Variants in FBXO31 observed in about 807,000 individuals in gnomAD.
FBXO31 encodes F-box protein 31, also known as F-box only protein 31.
FBXO31 carries 24 observed loss-of-function variants against 54.4 expected under a neutral mutation model. That is an observed-to-expected ratio of 0.44 (90% CI 0.32 to 0.62). The LOEUF is 0.62. FBXO31 is among the 20% of genes least tolerant of loss of function. FBXO31 has a pLI of 0.05. For synonymous variants in FBXO31, 388 were observed against 335.6 expected, an observed-to-expected ratio of 1.16 and a Z score of -1.71; for missense variants, 665 against 787.1, an observed-to-expected ratio of 0.84 and a Z score of 1.86.
At chr16:87,364,564 G>A (rs1204892541) in intron 1 of FBXO31, among the ~76,000 whole-genome samples, 1 of 152,112 alleles carries the variant, frequency 6.6e-6, no homozygotes, top group East Asian at 1.9e-4. Context: ...TTGAACCAGA[G>A]GCCTGGGCGG....
At chr16:87,373,500 A>AAT (rs1459078695) in intron 1 of FBXO31, among the ~76,000 whole-genome samples, 12 of 151,676 alleles carry the variant, frequency 7.9e-5, no homozygotes, top group Non-Finnish European at 1.3e-4. Flanking sequence ...TACATACCTG[A>AAT]ATATATATAT....
chr16:87,328,872 C>G lies in FBXO31; in HGVS notation c.*2416G>C, dbSNP rs1904740691. 1 of 152,290 alleles carries G rather than the reference C, an allele frequency of 6.6e-6. No individual in the cohort carries two copies. The highest frequency in any genetic ancestry group is 1.5e-5 in the Non-Finnish European group (1 of 68,096). 9.4% of individuals were successfully genotyped at this position (152,290 alleles called of 1,614,324 possible). A position where few individuals can be genotyped will look rare whatever the true frequency, so the allele number is the denominator to read the frequency against. On this transcript the variant is annotated 3_prime_UTR_variant, in exon 9 of 9. Transcript: ENST00000311635. ...CTTGGCTGTCCTGAACTGGGTTACT[C>G]AGCCTCCTCCTTGGAAACGGTTTTA... is the stretch of plus-strand genomic sequence containing the variant.
At chr16:87,374,034 C>T (rs1906716408) in intron 1 of FBXO31, among the ~76,000 whole-genome samples, 1 of 151,994 alleles carries the variant, frequency 6.6e-6, no homozygotes, top group Non-Finnish European at 1.5e-5. Flanking sequence ...GAGGCCAGGA[C>T]TTCCAGACCA....
intron 1 of FBXO31, among the ~76,000 whole-genome samples, chr16:87,372,535 TG>T (rs1331812816): frequency 6.6e-6 from 1 of 152,116 alleles, no homozygotes; most frequent in Non-Finnish European, 1.5e-5. Context: ...GCTCAACAAC[TG>T]TCTGCTAACA....
In FBXO31 at chr16:87,329,382, G is replaced by GACAC. The variant is rs1904762263; in HGVS notation, c.*1905_*1906insGTGT. On this transcript the variant is annotated 3_prime_UTR_variant, in exon 9 of 9. Coordinates refer to ENST00000311635, the MANE Select transcript of FBXO31 (RefSeq NM_024735.5). ...ATCAGAAGCACGTGCGTCCCACAGT[G>GACAC]TGCTCTTCAAGCCCCAAAGGGCACG... The GACAC allele has an allele frequency of 6.6e-6, 1 of 152,282 alleles. No individual in the cohort carries two copies. Among genetic ancestry groups the GACAC allele is most frequent in the Non-Finnish European group, 1.5e-5 (1 of 68,058 alleles). The allele number at this position is 152,282 out of a possible 1,614,324, so 9.4% of individuals were successfully genotyped here.
At position 87,335,171 on chromosome 16, in the gene FBXO31, G is replaced by A. The variant is rs1339649709; in HGVS notation, c.996+133C>T. 4.8e-5 allele frequency: 61 copies of A among 1,282,584 alleles called. No homozygotes were observed. Among genetic ancestry groups the A allele is most frequent in the Middle Eastern group, 2.7e-4 (1 of 3,722 alleles). 79.5% of individuals were successfully genotyped at this position (1,282,584 alleles called of 1,614,324 possible). A position where few individuals can be genotyped will look rare whatever the true frequency, so the allele number is the denominator to read the frequency against. ...CGAGAATCTGCTTTCCCAAGCTCCCGGGGCTGCAGGTGCAAGCCCACTCTG... is the reference window on the plus strand; with the variant it reads ...CGAGAATCTGCTTTCCCAAGCTCCCAGGGCTGCAGGTGCAAGCCCACTCTG... On this transcript the variant is annotated intron_variant, in intron 7 of 8. Coordinates refer to ENST00000311635, the MANE Select transcript of FBXO31 (RefSeq NM_024735.5). This position sits in a 1 kb window ranked among gnomAD's most constrained non-coding sequence, Gnocchi z 5.7.
intron 7 of FBXO31, among the ~76,000 whole-genome samples, chr16:87,334,560 A>AG (rs1904982271): frequency 6.6e-6 from 1 of 152,224 alleles, no homozygotes; most frequent in South Asian, 2.1e-4. Flanking sequence ...CAGCAGCCCA[A>AG]GGGGGCAGCC....
chr16:87,345,627 G>C lies in FBXO31; in HGVS notation c.489+1547C>G, dbSNP rs1326955722. Among the ~76,000 whole-genome samples, 1 of 152,182 alleles carries C rather than the reference G, an allele frequency of 6.6e-6. No individual in the cohort carries two copies. Among genetic ancestry groups the C allele is most frequent in the Non-Finnish European group, 1.5e-5 (1 of 68,042 alleles). ...CAAACCTGCCCTCCTGCTGAGACCAGCCACGAAGACTGAACACTCTCTCCT... is the reference window on the plus strand; with the variant it reads ...CAAACCTGCCCTCCTGCTGAGACCACCCACGAAGACTGAACACTCTCTCCT... On this transcript the variant is annotated intron_variant, in intron 3 of 8. Transcript: ENST00000311635. The surrounding 1 kb of genome is among the most constrained non-coding windows in gnomAD (Gnocchi z 4.9).
At chr16:87,371,490 T>G (rs1001633942) in intron 1 of FBXO31, among the ~76,000 whole-genome samples, 1 of 152,266 alleles carries the variant, frequency 6.6e-6, no homozygotes, top group African/African-American at 2.4e-5. Context: ...TCCCGAGATT[T>G]CAAATGCGTC....
At chr16:87,379,769 G>C (rs1256599651) in intron 1 of FBXO31, among the ~76,000 whole-genome samples, 1 of 151,804 alleles carries the variant, frequency 6.6e-6, no homozygotes, top group Non-Finnish European at 1.5e-5. Flanking sequence ...TGAATTTTTA[G>C]TAGAGACGGG....
chr16:87,333,843 A>G (rs776667316), intron 8 of FBXO31, 43 bp downstream of exon 8: 1 of 1,548,384 alleles, frequency 6.5e-7, no homozygotes. Context: ...GCTGAAGCCC[A>G]TGCTGTCCCA....
intron 4 of FBXO31, 98 bp downstream of exon 4, chr16:87,343,500 G>A: frequency 7.0e-7 from 1 of 1,429,700 alleles, no homozygotes; most frequent in Non-Finnish European, 9.4e-7. Context: ...ATCTGCTACA[G>A]CCCAGGTCTG....
At chr16:87,359,074 C>T (rs962807310) in intron 2 of FBXO31, among the ~76,000 whole-genome samples, 1 of 152,216 alleles carries the variant, frequency 6.6e-6, no homozygotes, top group Non-Finnish European at 1.5e-5. Context: ...AGCAAATTCA[C>T]AGAAACACAG....
upstream of FBXO31, among the ~76,000 whole-genome samples, chr16:87,391,295 A>G (rs1325401805): frequency 6.6e-6 from 1 of 152,188 alleles, no homozygotes. Flanking sequence ...CAACAGAGCA[A>G]GACCCTGTCT....
intron 1 of FBXO31, among the ~76,000 whole-genome samples, chr16:87,362,170 C>G (rs1906162203): frequency 2.0e-5 from 3 of 152,170 alleles, no homozygotes. Flanking sequence ...ACAACGTGAG[C>G]CACAAATAGC....
chr16:87,343,886 C>G, intron 3 of FBXO31, 121 bp from the exon 4 acceptor site: 3 of 1,041,550 alleles, frequency 2.9e-6, no homozygotes, highest in Admixed American at 2.3e-5. Flanking sequence ...CACATGGGAC[C>G]TGCACGCCCA....
chr16:87,366,864 A>G (rs1205048702), intron 1 of FBXO31, among the ~76,000 whole-genome samples: 1 of 152,198 alleles, frequency 6.6e-6, no homozygotes, highest in East Asian at 1.9e-4. Flanking sequence ...GACCTCCAAA[A>G]TAGCAATGCG....
chr16:87,350,348 T>G (rs921616375), intron 2 of FBXO31, among the ~76,000 whole-genome samples: 3 of 152,182 alleles, frequency 2.0e-5, no homozygotes, highest in Non-Finnish European at 2.9e-5. Context: ...GACCATGGTT[T>G]AGGAAGTTCC....
At position 87,364,025 on chromosome 16, in the gene FBXO31, C is replaced by T. The variant is rs190549228; in HGVS notation, c.341-3659G>A. ...GCAAGGACGGGGAGGGCAGGGCTGG[C>T]GGGGTGAGAGCTGCGGCCGCAGGCT... On this transcript the variant is annotated intron_variant, in intron 1 of 8. Transcript: ENST00000311635. Among the ~76,000 whole-genome samples the T allele has an allele frequency of 3.4e-4, 52 of 152,284 alleles. No homozygotes were observed. The East Asian group carries it at 6.2e-3, about 18-fold the overall frequency.
Sources: gnomAD v4.1 joint callset for allele counts (sites outside exome capture counted in the v4.1 genomes callset) on GRCh38, gnomAD v4.1.1 for gene constraint, Gnocchi (gnomAD v3.1) non-coding constraint, MANE v1.5 for transcripts, NCBI Gene and HGNC (gene_info 2026-07-23, HGNC 2026-07-21) for gene names.